KDSR: variants seen among roughly 807,000 people sequenced by gnomAD.
The protein encoded by KDSR is 3-ketodihydrosphingosine reductase, also known as 3-dehydrosphinganine reductase.
A neutral mutation model predicts 41.3 loss-of-function variants in KDSR; 23 were observed. That is an observed-to-expected ratio of 0.56 (90% CI 0.40 to 0.79). KDSR has a LOEUF of 0.79. Among genes scored for constraint, KDSR ranks in the 30% least tolerant of loss-of-function variants. KDSR has a pLI of 0.00. For synonymous variants in KDSR, 138 were observed against 151.7 expected (o/e 0.91, Z 0.66); for missense variants, 351 against 416.8 (o/e 0.84, Z 1.37).
At chr18:63,355,878 G>A (rs924902161) in intron 3 of KDSR, among the ~76,000 whole-genome samples, 35 of 152,220 alleles carry the variant, frequency 2.3e-4, no homozygotes, top group African/African-American at 8.2e-4. Context: ...AAAGGGCACA[G>A]GCCAACCCTA....
intron 7 of KDSR, among the ~76,000 whole-genome samples, chr18:63,340,073 A>G (rs1357983310): frequency 6.6e-6 from 1 of 152,164 alleles, no homozygotes; most frequent in Non-Finnish European, 1.5e-5. Context: ...CTAAAGTACT[A>G]TGGCGCCCCC....
intron 8 of KDSR, among the ~76,000 whole-genome samples, chr18:63,336,581 C>T (rs991582044): frequency 2.6e-5 from 4 of 152,266 alleles, no homozygotes; most frequent in East Asian, 1.9e-4. Flanking sequence ...CTGATGAAAG[C>T]GATTTTTCTG....
intron 6 of KDSR, 37 bp downstream of exon 6, chr18:63,350,851 G>A (rs531189319): frequency 4.0e-5 from 58 of 1,443,212 alleles, no homozygotes; most frequent in East Asian, 2.1e-4. Flanking sequence ...ATTGCTGAGC[G>A]GAGAGGAATA....
At chr18:63,332,331 C>T (rs957870562) in intron 9 of KDSR, among the ~76,000 whole-genome samples, 5 of 152,160 alleles carry the variant, frequency 3.3e-5, no homozygotes, top group Non-Finnish European at 5.9e-5. Context: ...CCTCAATGAG[C>T]TTATTCTCAG....
intron 1 of KDSR, among the ~76,000 whole-genome samples, chr18:63,363,689 CA>C (rs201230079): frequency 6.6e-6 from 1 of 152,228 alleles, no homozygotes; most frequent in Admixed American, 6.5e-5. Context: ...AGCTCTACAA[CA>C]GATGAAAAGA....
chr18:63,343,530 A>C (rs922733105), intron 7 of KDSR, among the ~76,000 whole-genome samples: 2 of 151,746 alleles, frequency 1.3e-5, no homozygotes, highest in Non-Finnish European at 2.9e-5. Flanking sequence ...CTGGAACTAC[A>C]AGCATGTGCC....
chr18:63,343,836 G>A (rs1416195818), intron 7 of KDSR, among the ~76,000 whole-genome samples: 3 of 152,024 alleles, frequency 2.0e-5, no homozygotes, highest in South Asian at 2.1e-4. Context: ...TGAGGCAAAG[G>A]ATTGATATTG....
Position 63,346,681 on chromosome 18 carries a change from G to A in KDSR, c.610-2188C>T, listed in dbSNP as rs143392763. ...AGTCGCTTCCTAGATTGGTATTCTC[G>A]CTATGCCATCCAACCAAATGACTCT... On this transcript the variant is annotated intron_variant, in intron 6 of 9. Coordinates refer to ENST00000645214, the MANE Select transcript of KDSR (RefSeq NM_002035.4). The A allele has an allele frequency of 3.5e-4, 53 of 152,252 alleles. No individual in the cohort carries two copies. The East Asian group carries it at 8.9e-3, about 25-fold the overall frequency. 9.4% of individuals were successfully genotyped at this position (152,252 alleles called of 1,614,324 possible). A position where few individuals can be genotyped will look rare whatever the true frequency, so the allele number is the denominator to read the frequency against.
rs372023154 is a variant in KDSR, at chr18:63,355,482, T to C, written c.321+16A>G. 4 of 1,613,354 alleles carry C rather than the reference T, an allele frequency of 2.5e-6. No individual in the cohort carries two copies. The African/African-American group carries it at 5.3e-5, about 22-fold the overall frequency. ...GTCAAGCACATTGGTGAATTCCAATTAGCCCAACCTCTTACTTGTTTTATG... is the reference window on the plus strand; with the variant it reads ...GTCAAGCACATTGGTGAATTCCAATCAGCCCAACCTCTTACTTGTTTTATG... On this transcript the variant is annotated intron_variant, in intron 4 of 9. Coordinates refer to ENST00000645214, the MANE Select transcript of KDSR (RefSeq NM_002035.4).
At chr18:63,362,361 CATGTCCT>C (rs1915014778) in intron 2 of KDSR, among the ~76,000 whole-genome samples, 1 of 152,224 alleles carries the variant, frequency 6.6e-6, no homozygotes, top group African/African-American at 2.4e-5. Flanking sequence ...AGATATATAT[CATGTCCT>C]AAGCAAATCG....
At position 63,367,166 on chromosome 18, in the gene KDSR, G is replaced by T; in HGVS notation, c.-48C>A. 9.8e-7 allele frequency: 1 copy of T among 1,022,188 alleles called. No homozygotes were observed. The highest frequency in any genetic ancestry group is 1.3e-6 in the Non-Finnish European group (1 of 787,436). The allele number at this position is 1,022,188 out of a possible 1,614,324, so 63.3% of individuals were successfully genotyped here. A position where few individuals can be genotyped will look rare whatever the true frequency, so the allele number is the denominator to read the frequency against. ...GGAGCGGCCGGGCGGGGGCCGCCGG[G>T]CAAGGCGCGCAGGGCTGGGCTGCGG... On this transcript the variant is annotated 5_prime_UTR_variant, in exon 1 of 10. Coordinates refer to ENST00000645214, the MANE Select transcript of KDSR (RefSeq NM_002035.4).
intron 9 of KDSR, among the ~76,000 whole-genome samples, chr18:63,334,827 G>A (rs1391833113): frequency 6.6e-6 from 1 of 152,112 alleles, no homozygotes; most frequent in African/African-American, 2.4e-5. Flanking sequence ...TCCATGATTC[G>A]TGTCTCACTA....
chr18:63,339,558 G>A (rs2144353320), intron 7 of KDSR, among the ~76,000 whole-genome samples: 1 of 152,286 alleles, frequency 6.6e-6, no homozygotes, highest in East Asian at 1.9e-4. Context: ...TTCCTCAAAA[G>A]GTCCATCTCA....
At position 63,329,681 on chromosome 18, in the gene KDSR, G is replaced by A. The variant is rs1320003248; in HGVS notation, c.*2101C>T. On this transcript the variant is annotated 3_prime_UTR_variant, in exon 10 of 10. Transcript: ENST00000645214. ...GGTAGTAGATTACCATCTCACTGGAGGCAACAGGTTCTATGAGGATAATTT... is the reference window on the plus strand; with the variant it reads ...GGTAGTAGATTACCATCTCACTGGAAGCAACAGGTTCTATGAGGATAATTT... 1 of 195,916 alleles carries A rather than the reference G, an allele frequency of 5.1e-6. No homozygotes were observed. The highest frequency in any genetic ancestry group is 6.1e-5 in the Admixed American group (1 of 16,478). The allele number at this position is 195,916 out of a possible 1,614,324, so 12.1% of individuals were successfully genotyped here.
intron 3 of KDSR, chr18:63,359,442 C>A: frequency 3.8e-6 from 1 of 265,920 alleles, no homozygotes; most frequent in Admixed American, 4.8e-5. Flanking sequence ...TTTAAATATT[C>A]CTTTCCTCTT....
intron 7 of KDSR, among the ~76,000 whole-genome samples, chr18:63,341,640 AAAAT>A (rs1280758439): frequency 6.6e-6 from 1 of 152,180 alleles, no homozygotes; most frequent in African/African-American, 2.4e-5. Flanking sequence ...AAAAGTTGAT[AAAAT>A]AAAAGGGCTC....
intron 6 of KDSR, chr18:63,346,527 A>G (rs952396394): frequency 2.0e-5 from 3 of 152,280 alleles, no homozygotes; most frequent in Non-Finnish European, 2.9e-5. Flanking sequence ...AATGGAAGAC[A>G]GGATTTCAGA....
intron 2 of KDSR, among the ~76,000 whole-genome samples, chr18:63,360,785 G>A (rs115260395): frequency 0.013 from 2,006 of 151,452 alleles, 31 homozygotes; most frequent in African/African-American, 0.047. Context: ...TCAAGAGGCT[G>A]AAGTGAGAGG....
At chr18:63,362,583 T>C (rs1243682811) in intron 2 of KDSR, among the ~76,000 whole-genome samples, 196 bp downstream of exon 2, 1 of 152,168 alleles carries the variant, frequency 6.6e-6, no homozygotes, top group Non-Finnish European at 1.5e-5. Flanking sequence ...ACTAAATAAA[T>C]ACTTGTGGGG....
Sources: gnomAD v4.1 joint callset for allele counts (sites outside exome capture counted in the v4.1 genomes callset) on GRCh38, gnomAD v4.1.1 for gene constraint, MANE v1.5 for transcripts, NCBI Gene and HGNC (gene_info 2026-07-23, HGNC 2026-07-21) for gene names.